SLC16A1: variants seen among roughly 807,000 people sequenced by gnomAD.
The protein encoded by SLC16A1 is monocarboxylate transporter 1.
SLC16A1 carries 11 observed loss-of-function variants against 32.2 expected under a neutral mutation model. That is an observed-to-expected ratio of 0.34 (90% CI 0.21 to 0.56). The LOEUF (loss-of-function observed/expected upper bound fraction) is 0.56. SLC16A1 is among the 20% of genes least tolerant of loss of function. The pLI is 0.87. For synonymous variants in SLC16A1, 231 were observed against 226.8 expected, an observed-to-expected ratio of 1.02 and a Z score of -0.17; for missense variants, 435 against 615.0, an observed-to-expected ratio of 0.71 and a Z score of 3.10.
chr1:112,918,093 TA>T (rs869151630), intron 3 of SLC16A1, 49 bp from the exon 4 acceptor site: 2 of 1,064,702 alleles, frequency 1.9e-6, no homozygotes, highest in South Asian at 3.5e-5. Context: ...AATAAATAAA[TA>T]AATAAATAAT....
At chr1:112,919,912 T>C (rs768404352) in intron 3 of SLC16A1, among the ~76,000 whole-genome samples, 14 of 152,184 alleles carry the variant, frequency 9.2e-5, no homozygotes, top group Non-Finnish European at 1.9e-4. Context: ...ATAGCATTTA[T>C]CACTACCTGA....
intron 1 of SLC16A1, among the ~76,000 whole-genome samples, chr1:112,946,028 G>A (rs1168403551): frequency 3.3e-5 from 5 of 152,028 alleles, no homozygotes; most frequent in African/African-American, 9.7e-5. Flanking sequence ...TGCACATTTA[G>A]GTTGCTACAT....
At chr1:112,944,716 G>A (rs1034125735) in intron 1 of SLC16A1, among the ~76,000 whole-genome samples, 5 of 151,774 alleles carry the variant, frequency 3.3e-5, no homozygotes, top group African/African-American at 9.7e-5. Context: ...TTTTTTTGAC[G>A]GAGTCTCGCT....
chr1:112,930,181 T>C (rs898356555), intron 1 of SLC16A1, among the ~76,000 whole-genome samples: 6 of 152,318 alleles, frequency 3.9e-5, no homozygotes, highest in South Asian at 2.1e-4. Context: ...CTACTACTTA[T>C]GTATGATTGG....
intron 2 of SLC16A1, chr1:112,924,469 T>C: frequency 1.4e-6 from 1 of 736,008 alleles, no homozygotes; most frequent in Non-Finnish European, 2.3e-6. Context: ...AACCTAACAG[T>C]AAAGTCACCA....
chr1:112,940,196 C>A (rs923887478), intron 1 of SLC16A1, among the ~76,000 whole-genome samples: 5 of 151,806 alleles, frequency 3.3e-5, no homozygotes, highest in African/African-American at 1.2e-4. Flanking sequence ...AGACACCATG[C>A]CTGGCTAATT....
At chr1:112,950,929 A>G (rs1649870187) in intron 1 of SLC16A1, among the ~76,000 whole-genome samples, 1 of 152,134 alleles carries the variant, frequency 6.6e-6, no homozygotes. Flanking sequence ...CCCAGGAGTT[A>G]CAGGCTGCAG....
At chr1:112,933,221 G>A (rs1649196362) in intron 1 of SLC16A1, among the ~76,000 whole-genome samples, 1 of 152,132 alleles carries the variant, frequency 6.6e-6, no homozygotes, top group South Asian at 2.1e-4. Context: ...TGTAATCCCA[G>A]CACTTTGGGA....
chr1:112,921,441 A>G (rs1446473140), intron 3 of SLC16A1, among the ~76,000 whole-genome samples: 1 of 152,242 alleles, frequency 6.6e-6, no homozygotes, highest in African/African-American at 2.4e-5. Flanking sequence ...TGGTTATAAA[A>G]TATTAGACAT....
At chr1:112,935,082 T>C (rs1263760219) in intron 1 of SLC16A1, among the ~76,000 whole-genome samples, 1 of 152,136 alleles carries the variant, frequency 6.6e-6, no homozygotes, top group Non-Finnish European at 1.5e-5. Flanking sequence ...AAAAGATCCA[T>C]AGAAGAAGAT....
chr1:112,936,023 AAAGATTAAGGTGATGTAACTT>A (rs1405078400), intron 1 of SLC16A1: 30 of 152,326 alleles, frequency 2.0e-4, no homozygotes, highest in Middle Eastern at 3.4e-3. Context: ...GTTTGGCACT[AAAGATTAAGGTGATGTAACTT>A]AAGATTAAGG....
intron 2 of SLC16A1, chr1:112,923,465 C>T (rs1237164146): frequency 5.4e-6 from 4 of 747,560 alleles, no homozygotes; most frequent in Non-Finnish European, 4.8e-6. Context: ...GGAGATGGGG[C>T]GCCGTAGTCA....
Position 112,917,506 on chromosome 1 carries a change from G to T in SLC16A1, c.900C>A (p.Phe300Leu), listed in dbSNP as rs746726583. 1.9e-6 allele frequency: 3 copies of T among 1,614,048 alleles called. No homozygotes were observed. The East Asian group carries it at 6.7e-5, about 36-fold the overall frequency. The change falls in exon 4 of 5, where the codon TTC (phenylalanine) becomes TTA (leucine). Residue 300 changes from phenylalanine to leucine, a missense_variant. Coordinates refer to ENST00000369626, the MANE Select transcript of SLC16A1 (RefSeq NM_003051.4). The surrounding 1 kb of genome is among the most constrained non-coding windows in gnomAD (Gnocchi z 4.1). ...CAACAAAAGCCAGAATGGAAAGAAGGAAGGCAGACTTCTCACTAGAATAAT... is the reference window on the plus strand; with the variant it reads ...CAACAAAAGCCAGAATGGAAAGAAGTAAGGCAGACTTCTCACTAGAATAAT... Reference protein sequence around the residue: ...SQHYSSEKSAFLLSILAFVDM... With the variant: ...SQHYSSEKSALLLSILAFVDM...
intron 2 of SLC16A1, chr1:112,923,446 G>T: frequency 1.4e-6 from 1 of 708,792 alleles, no homozygotes; most frequent in Non-Finnish European, 2.6e-6. Flanking sequence ...CCACGGTGTT[G>T]GGTGCCATGG....
chr1:112,932,501 C>G (rs1212613833), intron 1 of SLC16A1, among the ~76,000 whole-genome samples: 1 of 151,808 alleles, frequency 6.6e-6, no homozygotes, highest in Non-Finnish European at 1.5e-5. Flanking sequence ...CTGCTGCACT[C>G]CAGAGCAAGA....
chr1:112,942,312 G>A lies in SLC16A1; in HGVS notation c.-44-12960C>T, dbSNP rs534276581. Among the ~76,000 whole-genome samples, 34 of 152,324 alleles carry A rather than the reference G, an allele frequency of 2.2e-4. No individual in the cohort carries two copies. In the South Asian group the frequency reaches 7.0e-3, roughly 32 times the overall value. ...TACCTTGTGAATGACTTTTGGTGAA[G>A]AATCTTTGCTAAATATTAGTCCAAC... is the stretch of plus-strand genomic sequence containing the variant. On this transcript the variant is annotated intron_variant, in intron 1 of 4. Transcript: ENST00000369626.
chr1:112,938,954 G>C (rs1002965858), intron 1 of SLC16A1, among the ~76,000 whole-genome samples: 1 of 150,524 alleles, frequency 6.6e-6, no homozygotes, highest in African/African-American at 2.4e-5. Flanking sequence ...ACAATGGCGC[G>C]ATCTCGGCTC....
Position 112,913,792 on chromosome 1 carries a change from CT to C in SLC16A1, c.*98del. 7.2e-7 allele frequency: 1 copy of C among 1,396,958 alleles called. No homozygotes were observed. 86.5% of individuals were successfully genotyped at this position (1,396,958 alleles called of 1,614,324 possible). A position where few individuals can be genotyped will look rare whatever the true frequency, so the allele number is the denominator to read the frequency against. ...GGTATGATTTCCACACAAATGTCTA[CT>C]ATTTGCATTGAGCACCACTGGTAGA... is the stretch of plus-strand genomic sequence containing the variant. On this transcript the variant is annotated 3_prime_UTR_variant, in exon 5 of 5. Coordinates refer to ENST00000369626, the MANE Select transcript of SLC16A1 (RefSeq NM_003051.4).
intron 1 of SLC16A1, among the ~76,000 whole-genome samples, chr1:112,944,285 T>C (rs1649615159): frequency 1.3e-5 from 2 of 151,982 alleles, no homozygotes; most frequent in African/African-American, 4.8e-5. Flanking sequence ...ACCCTGTCTC[T>C]ACAAAAAATA....
Sources: gnomAD v4.1 joint callset for allele counts (sites outside exome capture counted in the v4.1 genomes callset) on GRCh38, gnomAD v4.1.1 for gene constraint, Gnocchi (gnomAD v3.1) non-coding constraint, MANE v1.5 for transcripts, NCBI Gene and HGNC (gene_info 2026-07-23, HGNC 2026-07-21) for gene names.